Variants in ZNF638 observed in about 807,000 individuals in gnomAD.
The protein encoded by ZNF638 is zinc finger protein 638.
In ZNF638, 46 loss-of-function variants were observed where a neutral mutation model predicts 195.6. The observed-to-expected ratio is 0.24, with a 90% confidence interval of 0.19 to 0.30. The LOEUF is 0.30. Ranked by LOEUF, ZNF638 falls within the 10% of genes least tolerant of loss-of-function variation. The pLI is 1.00. For missense variants in ZNF638, 2,440 were observed against 2,325.3 expected (o/e 1.05, Z -1.01); for synonymous variants, 845 against 772.0 (o/e 1.09, Z -1.57).
chr2:71,346,997 C>T (rs1302382483), intron 1 of ZNF638, among the ~76,000 whole-genome samples: 3 of 151,598 alleles, frequency 2.0e-5, no homozygotes, highest in Admixed American at 1.3e-4. Context: ...GGACTCCAGC[C>T]TGAGTGACAA....
In ZNF638 at chr2:71,354,158, A is replaced by T. The variant is rs78475211; in HGVS notation, c.1318-1561A>T. Among the ~76,000 whole-genome samples, 298 of 152,358 alleles carry T rather than the reference A, an allele frequency of 2.0e-3. 1 individual carries two copies. The highest frequency in any genetic ancestry group is 3.6e-3 in the Non-Finnish European group (247 of 68,042). On this transcript the variant is annotated intron_variant, in intron 2 of 27. Transcript: ENST00000264447. Reference sequence around the variant, plus strand: ...GTGGAAACTTCTAATGACCTAAACTAAAATGTATTTCAAATGGAAACAAAT... The same window carrying T: ...GTGGAAACTTCTAATGACCTAAACTTAAATGTATTTCAAATGGAAACAAAT...
intron 10 of ZNF638, among the ~76,000 whole-genome samples, chr2:71,390,642 A>G (rs1054064874): frequency 6.6e-6 from 1 of 152,158 alleles, no homozygotes; most frequent in African/African-American, 2.4e-5. Flanking sequence ...GTAGGAGTGT[A>G]TTGGAACCAG....
intron 1 of ZNF638, among the ~76,000 whole-genome samples, chr2:71,337,424 ATTT>A (rs2078689056): frequency 6.6e-6 from 1 of 151,888 alleles, no homozygotes; most frequent in South Asian, 2.1e-4. Context: ...ATCCTTTTTT[ATTT>A]TTTTGAGGAA....
intron 11 of ZNF638, 106 bp downstream of exon 11, chr2:71,396,297 G>A: frequency 1.2e-6 from 1 of 833,138 alleles, no homozygotes; most frequent in East Asian, 2.6e-5. Context: ...AGTCTGTATT[G>A]AATGCATGCT....
At chr2:71,353,791 C>G (rs2078979993) in intron 2 of ZNF638, among the ~76,000 whole-genome samples, 1 of 152,154 alleles carries the variant, frequency 6.6e-6, no homozygotes, top group African/African-American at 2.4e-5. Flanking sequence ...GCAACGTATT[C>G]AGATAAAACA....
intron 7 of ZNF638, 67 bp downstream of exon 7, chr2:71,368,595 G>A (rs1281219442): frequency 1.9e-6 from 3 of 1,549,286 alleles, no homozygotes; most frequent in Non-Finnish European, 2.6e-6. Flanking sequence ...ATAAATTGCT[G>A]TTGTGTTCCT....
At chr2:71,428,873 C>T (rs1028358868) in intron 25 of ZNF638, 23 of 356,724 alleles carry the variant, frequency 6.4e-5, no homozygotes, top group African/African-American at 2.7e-4. Flanking sequence ...AAATGATCCT[C>T]GAAAGGTTTT....
intron 20 of ZNF638, 45 bp downstream of exon 20, chr2:71,408,292 G>C (rs748586903): frequency 6.3e-7 from 1 of 1,594,224 alleles, no homozygotes; most frequent in South Asian, 1.1e-5. Flanking sequence ...AGAAAATACA[G>C]AGAACATAAA....
At chr2:71,348,369 G>A (rs2078887081) in intron 1 of ZNF638, 2 of 956,240 alleles carry the variant, frequency 2.1e-6, no homozygotes, top group African/African-American at 1.8e-5. Flanking sequence ...CTGATAACAT[G>A]CGTATTAAAT....
intron 8 of ZNF638, chr2:71,376,323 G>C (rs2079423221): frequency 6.6e-6 from 1 of 152,222 alleles, no homozygotes; most frequent in Non-Finnish European, 1.5e-5. Flanking sequence ...CCTAGGGATT[G>C]AGTGGAGGGA....
chr2:71,335,419 GTTCA>G (rs2078649112), intron 1 of ZNF638, among the ~76,000 whole-genome samples: 1 of 151,876 alleles, frequency 6.6e-6, no homozygotes, highest in Non-Finnish European at 1.5e-5. Flanking sequence ...TATATTTATT[GTTCA>G]TTCAAGTTTT....
chr2:71,364,959 A>G (rs1029637427), intron 5 of ZNF638, among the ~76,000 whole-genome samples: 2 of 152,336 alleles, frequency 1.3e-5, no homozygotes, highest in South Asian at 4.1e-4. Flanking sequence ...TTTAAGCTCA[A>G]CATTAAAATG....
chr2:71,418,854 T>G (rs962052120), intron 21 of ZNF638, among the ~76,000 whole-genome samples: 1 of 152,198 alleles, frequency 6.6e-6, no homozygotes, highest in Admixed American at 6.5e-5. Context: ...AAGTATTTAC[T>G]GAATATTTAG....
chr2:71,365,805 G>C (rs944853927), intron 6 of ZNF638, 99 bp downstream of exon 6: 12 of 1,164,682 alleles, frequency 1.0e-5, no homozygotes, highest in Middle Eastern at 5.9e-4. Context: ...CTGCAGCCTC[G>C]ATCTCCTGGG....
chr2:71,382,559 C>G (rs150252941), intron 10 of ZNF638, among the ~76,000 whole-genome samples: 4 of 152,054 alleles, frequency 2.6e-5, no homozygotes, highest in Non-Finnish European at 2.9e-5. Context: ...TGGAAACATT[C>G]GAGCTCTTAC....
At position 71,434,751 on chromosome 2, in the gene ZNF638, G is replaced by A. The variant is rs1350258222; in HGVS notation, c.5881G>A (p.Ala1961Thr). Residue 1961 changes from alanine (A) to threonine (T), a missense_variant, in exon 28 of 28, where the codon GCC becomes ACC. By Grantham distance (58) the Ala-to-Thr change is moderately conservative. Around this residue, in one of 5 missense-constraint regions of ZNF638, gnomAD observed 1,883 missense variants for 1,739.1 expected, o/e 1.08. Coordinates refer to ENST00000264447, the MANE Select transcript of ZNF638 (RefSeq NM_014497.5). ...RHKQNTEKFM[A>T]KQRKEKEQNE... ...AAATTGCTTTTAACAGAAATTCATGGCCAAGCAAAGAAAGGAAAAGGAGCA... is the reference window on the plus strand; with the variant it reads ...AAATTGCTTTTAACAGAAATTCATGACCAAGCAAAGAAAGGAAAAGGAGCA... The A allele has an allele frequency of 6.2e-7, 1 of 1,612,326 alleles. No homozygotes were observed. Among genetic ancestry groups the A allele is most frequent in the Non-Finnish European group, 8.5e-7 (1 of 1,179,432 alleles).
Position 71,426,598 on chromosome 2 carries a change from C to CTT in ZNF638, c.4730_4731dup (p.Asn1578LeufsTer3). The CTT allele has an allele frequency of 1.2e-6, 2 of 1,614,068 alleles. No homozygotes were observed. Among genetic ancestry groups the CTT allele is most frequent in the Non-Finnish European group, 8.5e-7 (1 of 1,180,004 alleles). ...TCTCAAAAATGTTCCTTTCTCTGAA[C>CTT]TTAACTTAAAGAAGAAAAAGGGGAA... On this transcript the variant is annotated frameshift_variant, in exon 24 of 28. Transcript: ENST00000264447. LOFTEE classifies it high-confidence loss of function.
Position 71,365,654 on chromosome 2 carries a change from C to T in ZNF638, c.1943C>T (p.Thr648Ile). 2.5e-6 allele frequency: 4 copies of T among 1,614,088 alleles called. No individual in the cohort carries two copies. The highest frequency in any genetic ancestry group is 3.4e-6 in the Non-Finnish European group (4 of 1,179,962). Residue 648 changes from threonine to isoleucine, a missense_variant, in exon 6 of 28, where the codon ACT becomes ATT. Physicochemically the swap from Thr to Ile is moderately conservative, Grantham distance 89. Coordinates refer to ENST00000264447, the MANE Select transcript of ZNF638 (RefSeq NM_014497.5). ...AAATCAAAGAATCTTGAAGATGACACTTTGTCAGAATGTAAACAGGTGTCT... is the reference window on the plus strand; with the variant it reads ...AAATCAAAGAATCTTGAAGATGACATTTTGTCAGAATGTAAACAGGTGTCT... ...RCKSKNLEDD[T>I]LSECKQVSDK...
intron 26 of ZNF638, among the ~76,000 whole-genome samples, chr2:71,432,142 G>A (rs2080678667): frequency 6.6e-6 from 1 of 152,152 alleles, no homozygotes; most frequent in South Asian, 2.1e-4. Context: ...TCAGACAGTT[G>A]CCCATCATTC....
Sources: gnomAD v4.1 joint callset for allele counts (sites outside exome capture counted in the v4.1 genomes callset) on GRCh38, gnomAD v4.1.1 for gene constraint, gnomAD v4.1.1 regional missense constraint, MANE v1.5 for transcripts, NCBI Gene and HGNC (gene_info 2026-07-23, HGNC 2026-07-21) for gene names.